The following TUBG2 variants were observed in gnomAD, a reference collection of about 807,000 sequenced individuals.
TUBG2 encodes the protein tubulin gamma-2 chain.
A neutral mutation model predicts 55.1 loss-of-function variants in TUBG2; 39 were observed. The ratio of observed to expected loss-of-function variants is 0.71; its 90% CI spans 0.55 to 0.93. The LOEUF (loss-of-function observed/expected upper bound fraction) is 0.93, where lower values mean the gene tolerates loss of function less well. Among genes scored for constraint, TUBG2 ranks in the 40% least tolerant of loss-of-function variants. The pLI is 0.00. For synonymous variants in TUBG2, 223 were observed against 241.0 expected, an observed-to-expected ratio of 0.93 and a Z score of 0.69; for missense variants, 358 against 599.1, an observed-to-expected ratio of 0.60 and a Z score of 4.20.
intron 6 of TUBG2, among the ~76,000 whole-genome samples, chr17:42,664,097 C>T (rs1435034382): frequency 6.6e-6 from 1 of 151,714 alleles, no homozygotes; most frequent in Non-Finnish European, 1.5e-5. Flanking sequence ...CAGAGCGAGA[C>T]TCTGCCTCAA....
chr17:42,665,962 C>T, intron 8 of TUBG2, 125 bp from the exon 9 acceptor site: 1 of 1,588,338 alleles, frequency 6.3e-7, no homozygotes, highest in Non-Finnish European at 8.6e-7. Flanking sequence ...GGGACTGGCA[C>T]AGAGCGGGCG....
In TUBG2 at chr17:42,665,843, A is replaced by C; in HGVS notation, c.843+16A>C. On this transcript the variant is annotated intron_variant, in intron 8 of 10. Transcript: ENST00000251412. The stretch of plus-strand genomic sequence containing the variant: ...AGACCAGTCAGTAAGAGCAGCCTTC[A>C]GTGTCCCAGGCCAGGCTGGCCCTGG... 8 of 1,614,084 alleles carry C rather than the reference A, an allele frequency of 5.0e-6. No individual in the cohort carries two copies. The highest frequency in any genetic ancestry group is 6.8e-6 in the Non-Finnish European group (8 of 1,179,950).
In TUBG2 at chr17:42,662,958, C is replaced by G. The variant is rs1330049648; in HGVS notation, c.400-15C>G. 3 of 1,612,480 alleles carry G rather than the reference C, an allele frequency of 1.9e-6. No individual in the cohort carries two copies. The highest frequency in any genetic ancestry group is 1.7e-5 in the Admixed American group (1 of 59,648). On this transcript the variant is annotated splice_polypyrimidine_tract_variant and intron_variant, in intron 4 of 10. Coordinates refer to ENST00000251412, the MANE Select transcript of TUBG2 (RefSeq NM_016437.3). ...GCAGGAGAAACTGAGTCTGTTTATT[C>G]CTGTATACACACAGGGCTTCGTGCT...
chr17:42,661,882 CT>C (rs1268747365), intron 4 of TUBG2, among the ~76,000 whole-genome samples: 1 of 152,210 alleles, frequency 6.6e-6, no homozygotes, highest in Non-Finnish European at 1.5e-5. Flanking sequence ...CAACCTGAAG[CT>C]TGTGTTGGCA....
chr17:42,663,008 G>C lies in TUBG2; in HGVS notation c.435G>C (p.Thr145=). The C allele has an allele frequency of 6.2e-7, 1 of 1,614,152 alleles. No homozygotes were observed. The highest frequency in any genetic ancestry group is 8.5e-7 in the Non-Finnish European group (1 of 1,180,034). ...TGTGTCACTCCATCGCTGGGGGTAC[G>C]GGTTCTGGCCTGGGCTCCTACCTCC... is the stretch of plus-strand genomic sequence containing the variant. The part of the protein sequence containing the change: ...FVLCHSIAGG[T]GSGLGSYLLE... Residue 145 remains threonine (T), a synonymous_variant, in exon 5 of 11, where the codon ACG becomes ACC. Coordinates refer to ENST00000251412, the MANE Select transcript of TUBG2 (RefSeq NM_016437.3).
intron 9 of TUBG2, 28 bp from the exon 10 acceptor site, chr17:42,666,295 A>G (rs775409570): frequency 6.2e-7 from 1 of 1,613,922 alleles, no homozygotes; most frequent in Non-Finnish European, 8.5e-7. Context: ...AGGAGAGGCC[A>G]CCTCCACTGC....
Position 42,666,501 on chromosome 17 carries a change from A to T in TUBG2, c.1158+17A>T, listed in dbSNP as rs763050422. The T allele has an allele frequency of 6.2e-7, 1 of 1,613,820 alleles. No individual in the cohort carries two copies. The highest frequency in any genetic ancestry group is 1.3e-5 in the African/African-American group (1 of 74,898). ...ATCTCCTCGGTGAGTCTAGGTTTCT[A>T]TTCTTCTTAGAAGAGTCTGTTCCAC... On this transcript the variant is annotated intron_variant, in intron 10 of 10. Transcript: ENST00000251412.
At chr17:42,662,034 G>A (rs917674575) in intron 4 of TUBG2, among the ~76,000 whole-genome samples, 1 of 152,230 alleles carries the variant, frequency 6.6e-6, no homozygotes, top group Non-Finnish European at 1.5e-5. Flanking sequence ...ACTAGGCACA[G>A]TGGCTCATGC....
intron 5 of TUBG2, 55 bp from the exon 6 acceptor site, chr17:42,663,322 G>A: frequency 1.2e-6 from 2 of 1,608,486 alleles, no homozygotes; most frequent in South Asian, 1.1e-5. Flanking sequence ...GCACATATGG[G>A]CAGTGATGGA....
rs1406568940 is a variant in TUBG2, at chr17:42,660,637, A to T, written c.331-2A>T. Reference sequence around the variant, plus strand: ...ACCCTCCCTTTCCATATCTCTATACAGGGTGAGAAAATTCATGAAGACATC... The same window carrying T: ...ACCCTCCCTTTCCATATCTCTATACTGGGTGAGAAAATTCATGAAGACATC... On this transcript the variant is annotated splice_acceptor_variant, in intron 3 of 10. Coordinates refer to ENST00000251412, the MANE Select transcript of TUBG2 (RefSeq NM_016437.3). LOFTEE classifies it high-confidence loss of function. 9.3e-6 allele frequency: 15 copies of T among 1,613,832 alleles called. No individual in the cohort carries two copies. Among genetic ancestry groups the T allele is most frequent in the Non-Finnish European group, 1.3e-5 (15 of 1,179,854 alleles).
intron 4 of TUBG2, among the ~76,000 whole-genome samples, chr17:42,662,462 C>T (rs960310254): frequency 6.6e-6 from 1 of 152,116 alleles, no homozygotes; most frequent in African/African-American, 2.4e-5. Flanking sequence ...AAAAATTAGC[C>T]AGGCGTGGTG....
chr17:42,666,042 T>C lies in TUBG2; in HGVS notation c.844-45T>C, dbSNP rs369397161. 107 of 1,613,284 alleles carry C rather than the reference T, an allele frequency of 6.6e-5. No individual in the cohort carries two copies. In the African/African-American group the frequency reaches 1.3e-3, roughly 19 times the overall value. ...TCTGCCAAAGAGAAGCCAAAGGGAC[T>C]GTGCCCTGAGCGCTGGCCGGGTCCC... is the stretch of plus-strand genomic sequence containing the variant. On this transcript the variant is annotated intron_variant, in intron 8 of 10. Transcript: ENST00000251412.
In TUBG2 at chr17:42,659,871, T is replaced by C. The variant is rs762712059; in HGVS notation, c.87T>C (p.His29=). ...FEFWKQLCAE[H]GISPEGIVEE... The stretch of plus-strand genomic sequence containing the variant: ...TCTGGAAACAGCTGTGCGCCGAGCA[T>C]GGTATCAGCCCCGAGGGCATCGTGG... Residue 29 remains histidine (H), a synonymous_variant, in exon 2 of 11, where the codon CAT becomes CAC. Transcript: ENST00000251412. 3 of 1,613,802 alleles carry C rather than the reference T, an allele frequency of 1.9e-6. No individual in the cohort carries two copies. The highest frequency in any genetic ancestry group is 2.5e-6 in the Non-Finnish European group (3 of 1,179,944).
rs150693772 is a variant in TUBG2 at position 42,663,485 on chromosome 17, G to A, written c.588G>A (p.Thr196=). ...CACTCCTGACACTCAAGAGGCTGAC[G>A]CAGAACGCAGATTGTGTGGTGAGCA... ...YNSLLTLKRL[T]QNADCVVVLD... Residue 196 remains threonine (T), a synonymous_variant, in exon 6 of 11, where the codon ACG becomes ACA. Transcript: ENST00000251412. The A allele has an allele frequency of 1.6e-5, 26 of 1,613,874 alleles. No individual in the cohort carries two copies. The highest frequency in any genetic ancestry group is 1.6e-4 in the African/African-American group (12 of 74,906).
At chr17:42,666,508 T>G in intron 10 of TUBG2, 24 bp downstream of exon 10, 1 of 1,613,850 alleles carries the variant, frequency 6.2e-7, no homozygotes, top group South Asian at 1.1e-5. Flanking sequence ...TCTATTCTTC[T>G]TAGAAGAGTC....
At chr17:42,665,411 G>A in intron 6 of TUBG2, 65 bp from the exon 7 acceptor site, 1 of 1,611,764 alleles carries the variant, frequency 6.2e-7, no homozygotes. Flanking sequence ...CAGGGGCTAA[G>A]CCAATATCTT....
At position 42,659,857 on chromosome 17, in the gene TUBG2, C is replaced by T; in HGVS notation, c.73C>T (p.Leu25=). The T allele has an allele frequency of 6.2e-7, 1 of 1,614,140 alleles. No homozygotes were observed. Among genetic ancestry groups the T allele is most frequent in the Non-Finnish European group, 8.5e-7 (1 of 1,180,014 alleles). Residue 25 remains leucine (L), a synonymous_variant, in exon 2 of 11, where the codon CTG becomes TTG. Transcript: ENST00000251412. The part of the protein sequence containing the change: ...NQIGFEFWKQ[L]CAEHGISPEG... ...AGTTGGGTTCGAGTTCTGGAAACAG[C>T]TGTGCGCCGAGCATGGTATCAGCCC...
chr17:42,663,177 AC>A, intron 5 of TUBG2, 125 bp downstream of exon 5: 1 of 1,267,758 alleles, frequency 7.9e-7, no homozygotes. Context: ...CCACCCAAGG[AC>A]CATGTTGGAA....
At chr17:42,665,653 C>T (rs766204215) in intron 7 of TUBG2, 25 bp from the exon 8 acceptor site, 1 of 1,614,102 alleles carries the variant, frequency 6.2e-7, no homozygotes, top group Non-Finnish European at 8.5e-7. Flanking sequence ...GGCCGAGCCC[C>T]ATGACATGGC....
Sources: allele counts gnomAD v4.1 joint callset (sites outside exome capture counted in the v4.1 genomes callset), GRCh38; gene constraint gnomAD v4.1.1; transcripts MANE v1.5; gene names NCBI Gene and HGNC (gene_info 2026-07-23, HGNC 2026-07-21).